PAK1: variants seen among roughly 807,000 people sequenced by gnomAD.
The protein encoded by PAK1 is p21 (RAC1) activated kinase 1.
PAK1 carries 29 observed loss-of-function variants against 67.4 expected under a neutral mutation model. That is an observed-to-expected ratio of 0.43 (90% CI 0.32 to 0.59). PAK1 has a LOEUF of 0.59. Ranked by LOEUF, PAK1 falls within the 20% of genes least tolerant of loss-of-function variation. The pLI, the probability that PAK1 is intolerant of heterozygous loss-of-function variation, is 0.07. For synonymous variants in PAK1, 223 were observed against 237.4 expected (o/e 0.94, Z 0.56); for missense variants, 337 against 670.7 (o/e 0.50, Z 5.50).
chr11:77,439,368 AAAT>A (rs1364073067), intron 1 of PAK1, among the ~76,000 whole-genome samples: 1 of 152,138 alleles, frequency 6.6e-6, no homozygotes, highest in Non-Finnish European at 1.5e-5. Flanking sequence ...TATATACATA[AAAT>A]AAAAAATGAA....
chr11:77,489,685 G>A, the PAK1 span, among the ~76,000 whole-genome samples: 4 of 151,586 alleles, frequency 2.6e-5, no homozygotes, highest in South Asian at 2.1e-4. Context: ...TCCTAACCGC[G>A]AGTGATCCGC....
chr11:77,474,942 C>G (rs1293151796), upstream of PAK1: 1 of 152,178 alleles, frequency 6.6e-6, no homozygotes, highest in Non-Finnish European at 1.5e-5. Context: ...AGTCCGGAAT[C>G]AGGTTGCCTT....
Position 77,353,535 on chromosome 11 carries a change from C to T in PAK1, c.836+1G>A, listed in dbSNP as rs199690644. The T allele has an allele frequency of 1.2e-6, 2 of 1,601,070 alleles. No individual in the cohort carries two copies. Among genetic ancestry groups the T allele is most frequent in the African/African-American group, 2.7e-5 (2 of 74,650 alleles). On this transcript the variant is annotated splice_donor_variant, in intron 8 of 14. Transcript: ENST00000356341. LOFTEE classifies it high-confidence loss of function. ...CAGGGAAAGAAAATGCCCCTACTAA[C>T]CCTTGTCCAATCTTCTCAAACCGTG...
At chr11:77,502,261 A>T in the PAK1 span, among the ~76,000 whole-genome samples, 3 of 152,156 alleles carry the variant, frequency 2.0e-5, no homozygotes, top group African/African-American at 7.2e-5. Flanking sequence ...AACTACATAT[A>T]TGTCAGCCAT....
At position 77,433,555 on chromosome 11, in the gene PAK1, G is replaced by A. The variant is rs541777636; in HGVS notation, c.-22+39997C>T. ...AGCACTTTGGGGGGCCGAGGCAGGCGGATCATGAGGTCAGGAGATCAAGAC... is the reference window on the plus strand; with the variant it reads ...AGCACTTTGGGGGGCCGAGGCAGGCAGATCATGAGGTCAGGAGATCAAGAC... On this transcript the variant is annotated intron_variant, in intron 1 of 14. Transcript: ENST00000356341. Among the ~76,000 whole-genome samples, 34 of 152,210 alleles carry A rather than the reference G, an allele frequency of 2.2e-4. 1 individual carries two copies. The South Asian group carries it at 6.0e-3, about 27-fold the overall frequency.
chr11:77,515,104 A>G, the PAK1 span: 11 of 152,176 alleles, frequency 7.2e-5, no homozygotes, highest in African/African-American at 2.7e-4. Flanking sequence ...AAAACATCCA[A>G]CTTAGCTTTC....
At chr11:77,338,886 T>C (rs1943146599) in intron 11 of PAK1, among the ~76,000 whole-genome samples, 1 of 151,826 alleles carries the variant, frequency 6.6e-6, no homozygotes, top group Non-Finnish European at 1.5e-5. Context: ...ACTACAGAGG[T>C]AGAAAATAGA....
the PAK1 span, among the ~76,000 whole-genome samples, chr11:77,514,694 T>C: frequency 4.6e-5 from 7 of 152,204 alleles, no homozygotes; most frequent in Non-Finnish European, 8.8e-5. Flanking sequence ...GATGTGTTAG[T>C]CTGAGGCTTC....
intron 1 of PAK1, among the ~76,000 whole-genome samples, chr11:77,399,880 AAAAAAAGAAAT>A (rs1397293072): frequency 3.3e-5 from 5 of 149,568 alleles, no homozygotes; most frequent in African/African-American, 1.2e-4. Context: ...AAAAAAAAAA[AAAAAAAGAAAT>A]AAGATTAACA....
At chr11:77,354,264 G>C (rs960436070) in intron 7 of PAK1, among the ~76,000 whole-genome samples, 10 of 152,072 alleles carry the variant, frequency 6.6e-5, no homozygotes, top group Admixed American at 5.9e-4. Context: ...TCCCCCCCAA[G>C]GTCACACAGC....
At chr11:77,477,570 A>AAAAAAAAAAAC (rs1555176587), upstream of PAK1, among the ~76,000 whole-genome samples, 2 of 150,078 alleles carry the variant, frequency 1.3e-5, no homozygotes, top group African/African-American at 4.9e-5. Flanking sequence ...ATCTCTACAA[A>AAAAAAAAAAAC]AAAAAAAAAA....
chr11:77,347,749 T>C (rs1337879756), intron 9 of PAK1, among the ~76,000 whole-genome samples: 1 of 152,240 alleles, frequency 6.6e-6, no homozygotes. Flanking sequence ...CTTTGTGGAA[T>C]ACATACACAT....
chr11:77,517,494 T>C, the PAK1 span, among the ~76,000 whole-genome samples: 39 of 152,166 alleles, frequency 2.6e-4, no homozygotes, highest in Non-Finnish European at 4.9e-4. Flanking sequence ...TGGCTTGACA[T>C]ATGCCAAAGA....
chr11:77,423,988 T>C (rs903721296), intron 1 of PAK1, among the ~76,000 whole-genome samples: 4 of 152,118 alleles, frequency 2.6e-5, no homozygotes, highest in African/African-American at 9.7e-5. Flanking sequence ...TGAAAGAATA[T>C]TGGGGGCTCA....
intron 1 of PAK1, among the ~76,000 whole-genome samples, chr11:77,446,978 G>A (rs1956642430): frequency 1.3e-5 from 2 of 151,854 alleles, no homozygotes; most frequent in African/African-American, 4.8e-5. Flanking sequence ...AAGATGTGTG[G>A]TCCCTGTACA....
At chr11:77,392,889 C>G (rs1256475430) in intron 1 of PAK1, among the ~76,000 whole-genome samples, 1 of 152,182 alleles carries the variant, frequency 6.6e-6, no homozygotes, top group African/African-American at 2.4e-5. Flanking sequence ...ATTCTTCAAC[C>G]TCTTAGGTTT....
At chr11:77,417,777 C>T (rs1029244466) in intron 1 of PAK1, among the ~76,000 whole-genome samples, 3 of 151,154 alleles carry the variant, frequency 2.0e-5, no homozygotes, top group Non-Finnish European at 4.4e-5. Context: ...TCCTGTTGCC[C>T]AGGCTGGAGT....
intron 2 of PAK1, among the ~76,000 whole-genome samples, chr11:77,384,370 C>T (rs368948246): frequency 6.6e-6 from 1 of 152,172 alleles, no homozygotes; most frequent in Admixed American, 6.5e-5. Context: ...CCTGGGACTA[C>T]TGCTGCAGTT....
At chr11:77,521,649 G>C in the PAK1 span, among the ~76,000 whole-genome samples, 1 of 152,164 alleles carries the variant, frequency 6.6e-6, no homozygotes, top group Non-Finnish European at 1.5e-5. Flanking sequence ...AGGATGTCTT[G>C]TGACACACCC....
Sources: allele counts gnomAD v4.1 joint callset (sites outside exome capture counted in the v4.1 genomes callset), GRCh38; gene constraint gnomAD v4.1.1; transcripts MANE v1.5; gene names NCBI Gene and HGNC (gene_info 2026-07-23, HGNC 2026-07-21).